Variants in PYROXD1 observed in about 807,000 individuals in gnomAD.
PYROXD1 encodes the protein tRNA ligase complex-associated NAD(P)H dehydrogenase PYROXD1.
PYROXD1 carries 42 observed loss-of-function variants against 62.0 expected under a neutral mutation model. That is an observed-to-expected ratio of 0.68 (90% CI 0.53 to 0.88). The LOEUF is 0.88. PYROXD1 is among the 40% of genes least tolerant of loss of function. The pLI, the probability that PYROXD1 is intolerant of heterozygous loss-of-function variation, is 0.00. For missense variants in PYROXD1, 493 were observed against 604.8 expected, an observed-to-expected ratio of 0.82 and a Z score of 1.94; for synonymous variants, 170 against 206.4, an observed-to-expected ratio of 0.82 and a Z score of 1.51.
rs777610826 is a variant in PYROXD1 at position 21,437,828 on chromosome 12, C to G, written c.84+14C>G. 7 of 1,607,834 alleles carry G rather than the reference C, an allele frequency of 4.4e-6. No homozygotes were observed. The highest frequency in any genetic ancestry group is 1.7e-5 in the Admixed American group (1 of 59,288). On this transcript the variant is annotated intron_variant, in intron 1 of 11. Transcript: ENST00000240651. ...TGTGCGGAGCAGGTAGGGCGGTGCT[C>G]AGGCGGTTCCGCCTCTTTCCCCGAC...
At chr12:21,467,313 A>G in intron 10 of PYROXD1, 168 bp from the exon 11 acceptor site, 1 of 531,362 alleles carries the variant, frequency 1.9e-6, no homozygotes. Flanking sequence ...AGAATTAACA[A>G]ATACCAAAAA....
chr12:21,471,248 A>G lies in PYROXD1; in HGVS notation c.*2494A>G. The G allele has an allele frequency of 8.8e-6, 9 of 1,025,420 alleles. No individual in the cohort carries two copies. The highest frequency in any genetic ancestry group is 1.2e-5 in the Non-Finnish European group (9 of 732,182). 63.5% of individuals were successfully genotyped at this position (1,025,420 alleles called of 1,614,324 possible). On this transcript the variant is annotated 3_prime_UTR_variant, in exon 12 of 12. Transcript: ENST00000240651. Reference sequence around the variant, plus strand: ...AGAATGCAAATAAAGCCTTTAAAGAAAATATTTTCGTTACTTTTTTTTATT... The same window carrying G: ...AGAATGCAAATAAAGCCTTTAAAGAGAATATTTTCGTTACTTTTTTTTATT...
Position 21,462,824 on chromosome 12 carries a change from T to G in PYROXD1, c.1078T>G (p.Cys360Gly), listed in dbSNP as rs1422790880. 1 of 1,614,050 alleles carries G rather than the reference T, an allele frequency of 6.2e-7. No individual in the cohort carries two copies. The highest frequency in any genetic ancestry group is 1.1e-5 in the South Asian group (1 of 91,084). The change falls in exon 10 of 12, where the codon TGT (cysteine) becomes GGT (glycine). Residue 360 changes from cysteine (C) to glycine (G), a missense_variant. Coordinates refer to ENST00000240651, the MANE Select transcript of PYROXD1 (RefSeq NM_024854.5). ...TGATATCTATGCTGCCGGTGACATC[T>G]GTACTACATCCTGGCAGCTGAGCCC... is the stretch of plus-strand genomic sequence containing the variant. The part of the protein sequence containing the change: ...LPDIYAAGDI[C>G]TTSWQLSPVW...
intron 7 of PYROXD1, among the ~76,000 whole-genome samples, chr12:21,457,328 T>C (rs1942616077): frequency 6.6e-6 from 1 of 152,184 alleles, no homozygotes; most frequent in Non-Finnish European, 1.5e-5. Flanking sequence ...AGAATGGATA[T>C]TGTATTAGCA....
chr12:21,448,185 C>A lies in PYROXD1; in HGVS notation c.286-1378C>A, dbSNP rs896678101. Reference sequence around the variant, plus strand: ...CAATTTCACATACCTGGCATCAGGGCCTTCACAGCCACCATAGGTTTTCTC... The same window carrying A: ...CAATTTCACATACCTGGCATCAGGGACTTCACAGCCACCATAGGTTTTCTC... On this transcript the variant is annotated intron_variant, in intron 3 of 11. Transcript: ENST00000240651. The A allele has an allele frequency of 2.9e-4, 184 of 640,782 alleles. 1 individual carries two copies. In the Middle Eastern group the frequency reaches 3.3e-3, roughly 11 times the overall value. The allele number at this position is 640,782 out of a possible 1,614,324, so 39.7% of individuals were successfully genotyped here.
intron 4 of PYROXD1, among the ~76,000 whole-genome samples, chr12:21,450,987 C>G (rs1283176810): frequency 6.6e-6 from 1 of 152,186 alleles, no homozygotes; most frequent in African/African-American, 2.4e-5. Flanking sequence ...CTTTTCACCT[C>G]TAGGTCCAGT....
chr12:21,460,877 A>C (rs919245720), intron 7 of PYROXD1, 148 bp from the exon 8 acceptor site: 5 of 465,042 alleles, frequency 1.1e-5, no homozygotes, highest in Non-Finnish European at 1.5e-5. Context: ...AGAGAGACTT[A>C]TTTTAGGGCA....
chr12:21,454,961 A>C, intron 5 of PYROXD1, 171 bp from the exon 6 acceptor site: 1 of 395,016 alleles, frequency 2.5e-6, no homozygotes, highest in Non-Finnish European at 4.6e-6. Context: ...TCAATTTTTA[A>C]TTCTTAACAT....
rs554980120 is a variant in PYROXD1, at chr12:21,441,036, T to G, written c.165+588T>G. ...TTGATTATGGTGAATTGATTGCTTT[T>G]TTTTGAGATGGAGTCTCACCCTGTT... On this transcript the variant is annotated intron_variant, in intron 2 of 11. Transcript: ENST00000240651. Among the ~76,000 whole-genome samples the G allele has an allele frequency of 2.0e-5, 3 of 152,348 alleles. No homozygotes were observed. In the South Asian group the frequency reaches 6.2e-4, roughly 32 times the overall value.
rs145568024 is a variant in PYROXD1 at position 21,468,599 on chromosome 12, G to A, written c.1348G>A (p.Val450Ile). The A allele has an allele frequency of 3.5e-5, 57 of 1,613,012 alleles. No individual in the cohort carries two copies. Among genetic ancestry groups the A allele is most frequent in the Middle Eastern group, 3.3e-4 (2 of 6,048 alleles). ...CAAAGGACGAGAATACATCAAAGTC[G>A]TCATGCAAAATGGACGAATGATGGG... ...CTKGREYIKV[V>I]MQNGRMMGAV... The change falls in exon 12 of 12, where the codon GTC becomes ATC. Residue 450 changes from valine (V) to isoleucine (I), a missense_variant. Physicochemically the swap from Val to Ile is conservative, Grantham distance 29 (BLOSUM62 3). This residue lies in a region of PYROXD1 where 329 missense variants were observed against 446.6 expected (regional missense o/e 0.74). Transcript: ENST00000240651.
At position 21,456,096 on chromosome 12, in the gene PYROXD1, G is replaced by A. The variant is rs1565550581; in HGVS notation, c.750+1G>A. The A allele has an allele frequency of 3.9e-6, 6 of 1,555,388 alleles. No homozygotes were observed. Among genetic ancestry groups the A allele is most frequent in the South Asian group, 2.3e-5 (2 of 88,418 alleles). ...CTTGAATCTTAAAGGAACAAAAGAG[G>A]TATCTTTTCATATACTAATTGGTCA... On this transcript the variant is annotated splice_donor_variant, in intron 7 of 11. Coordinates refer to ENST00000240651, the MANE Select transcript of PYROXD1 (RefSeq NM_024854.5). LOFTEE classifies it high-confidence loss of function.
intron 7 of PYROXD1, 152 bp from the exon 8 acceptor site, chr12:21,460,873 A>G: frequency 4.5e-6 from 2 of 444,716 alleles, no homozygotes; most frequent in Non-Finnish European, 7.8e-6. Flanking sequence ...GCATAGAGAG[A>G]CTTATTTTAG....
chr12:21,449,246 C>A (rs539258630), intron 3 of PYROXD1, among the ~76,000 whole-genome samples: 1 of 152,254 alleles, frequency 6.6e-6, no homozygotes, highest in South Asian at 2.1e-4. Flanking sequence ...CATACCTTTT[C>A]AACCAACATG....
At chr12:21,457,479 A>G (rs1486196694) in intron 7 of PYROXD1, among the ~76,000 whole-genome samples, 4 of 151,304 alleles carry the variant, frequency 2.6e-5, no homozygotes, top group African/African-American at 7.3e-5. Flanking sequence ...GTGGGCTTCA[A>G]ATATTCAGTA....
At chr12:21,462,991 A>G in intron 10 of PYROXD1, 129 bp downstream of exon 10, 1 of 737,554 alleles carries the variant, frequency 1.4e-6, no homozygotes, top group South Asian at 2.8e-5. Flanking sequence ...CACAGTTGTT[A>G]TATATATTTA....
intron 1 of PYROXD1, 109 bp from the exon 2 acceptor site, chr12:21,440,259 T>G (rs1942269089): frequency 1.6e-6 from 1 of 621,110 alleles, no homozygotes; most frequent in African/African-American, 1.9e-5. Flanking sequence ...GTTTTTAATT[T>G]TCTAGATTAA....
intron 1 of PYROXD1, chr12:21,438,323 G>C (rs1942232066): frequency 6.5e-6 from 1 of 153,102 alleles, no homozygotes; most frequent in African/African-American, 2.4e-5. Context: ...ATTTTTAGTA[G>C]AGACGGGCTT....
rs993811620 is a variant in PYROXD1 at position 21,456,782 on chromosome 12, A to C, written c.750+687A>C. On this transcript the variant is annotated intron_variant, in intron 7 of 11. Coordinates refer to ENST00000240651, the MANE Select transcript of PYROXD1 (RefSeq NM_024854.5). ...TTTATAGCATTTTGCCCAGAGTAGA[A>C]GTTCTTTCAAAAGTCAATTCTCTCA... The C allele has an allele frequency of 3.8e-5, 16 of 416,448 alleles. 1 individual carries two copies. Among genetic ancestry groups the C allele is most frequent in the South Asian group, 2.5e-4 (14 of 56,766 alleles). The allele number at this position is 416,448 out of a possible 1,614,324, so 25.8% of individuals were successfully genotyped here.
chr12:21,463,609 T>A (rs1942738452), intron 10 of PYROXD1, among the ~76,000 whole-genome samples: 1 of 151,210 alleles, frequency 6.6e-6, no homozygotes, highest in South Asian at 2.1e-4. Flanking sequence ...CAAGAATCCC[T>A]TGAACCTGGG....
Sources: allele counts gnomAD v4.1 joint callset (sites outside exome capture counted in the v4.1 genomes callset), GRCh38; gene constraint gnomAD v4.1.1; regional missense constraint gnomAD v4.1.1; transcripts MANE v1.5; gene names NCBI Gene and HGNC (gene_info 2026-07-23, HGNC 2026-07-21).